TNRC18: variants seen among roughly 807,000 people sequenced by gnomAD.
TNRC18 encodes the protein trinucleotide repeat containing 18.
In TNRC18, 69 loss-of-function variants were observed where a neutral mutation model predicts 226.7. That is an observed-to-expected ratio of 0.30 (90% CI 0.25 to 0.37). The LOEUF (loss-of-function observed/expected upper bound fraction) is 0.37, where lower values mean the gene tolerates loss of function less well. TNRC18 is among the 10% of genes least tolerant of loss of function. The probability of loss-of-function intolerance (pLI) is 1.00; values close to 1 mark genes in which losing one functional copy is unlikely to be tolerated. For synonymous variants in TNRC18, 2,449 were observed against 1,927.6 expected (o/e 1.27, Z -7.09); for missense variants, 4,754 against 4,256.6 (o/e 1.12, Z -3.25).
chr7:5,321,377 T>C (rs1237549386), intron 21 of TNRC18, among the ~76,000 whole-genome samples, 187 bp from the exon 22 acceptor site: 1 of 152,138 alleles, frequency 6.6e-6, no homozygotes, highest in Non-Finnish European at 1.5e-5. Context: ...TGTGTACCAG[T>C]GAGCATGTAC....
chr7:5,397,667 C>A (rs1334392062), intron 2 of TNRC18, among the ~76,000 whole-genome samples: 1 of 152,152 alleles, frequency 6.6e-6, no homozygotes, highest in Admixed American at 6.6e-5. Context: ...GCCCCTTTCC[C>A]GCCTGGCCCG....
intron 21 of TNRC18, among the ~76,000 whole-genome samples, chr7:5,322,429 G>A (rs886969076): frequency 6.6e-6 from 1 of 152,120 alleles, no homozygotes; most frequent in South Asian, 2.1e-4. Flanking sequence ...CTCCTGAGTA[G>A]CTGGGACTAT....
At position 5,370,741 on chromosome 7, in the gene TNRC18, T is replaced by C. The variant is rs751371945; in HGVS notation, c.3853A>G (p.Ser1285Gly). The C allele has an allele frequency of 6.2e-7, 1 of 1,605,400 alleles. No homozygotes were observed. Among genetic ancestry groups the C allele is most frequent in the South Asian group, 1.1e-5 (1 of 90,004 alleles). ...ATTTCTAGGGTGGGCTGGGACTCGC[T>C]CGGTGCCACCTGCGCCAGGCCTTCC... is the stretch of plus-strand genomic sequence containing the variant. ...PEEGLAQVAP[S>G]ESQPTLEMSD... Residue 1285 changes from serine to glycine, a missense_variant, in exon 11 of 30, where the codon AGC (serine) becomes GGC (glycine). Coordinates refer to ENST00000430969, the MANE Select transcript of TNRC18 (RefSeq NM_001080495.3).
chr7:5,328,595 G>A (rs1174100823), intron 19 of TNRC18, among the ~76,000 whole-genome samples: 3 of 150,702 alleles, frequency 2.0e-5, no homozygotes, highest in East Asian at 2.0e-4. Context: ...TGCAACCTCC[G>A]CCTCCTGGGT....
intron 2 of TNRC18, among the ~76,000 whole-genome samples, chr7:5,408,978 T>C (rs1221880734): frequency 1.3e-5 from 2 of 152,178 alleles, no homozygotes; most frequent in Non-Finnish European, 2.9e-5. Context: ...AACCTTAACA[T>C]GCACACTCAG....
Position 5,390,620 on chromosome 7 carries a change from G to A in TNRC18, c.352C>T (p.His118Tyr), listed in dbSNP as rs373788242. ...WAAHAHEGFS[H>Y]LPSGLYPSYL... The stretch of plus-strand genomic sequence containing the variant: ...GATGGGTACAGCCCACTGGGCAGGT[G>A]GGAGAAGCCTGTAACAGAAAAGAGA... Residue 118 changes from histidine (H) to tyrosine (Y), a missense_variant, in exon 4 of 30, where the codon CAC becomes TAC. Physicochemically the swap from His to Tyr is moderately conservative, Grantham distance 83 (BLOSUM62 2). Coordinates refer to ENST00000430969, the MANE Select transcript of TNRC18 (RefSeq NM_001080495.3). 8 of 1,571,720 alleles carry A rather than the reference G, an allele frequency of 5.1e-6. No homozygotes were observed. Among genetic ancestry groups the A allele is most frequent in the African/African-American group, 2.7e-5 (2 of 73,214 alleles).
At position 5,332,724 on chromosome 7, in the gene TNRC18, G is replaced by A. The variant is rs550908807; in HGVS notation, c.6045C>T (p.Val2015=). 1.3e-6 allele frequency: 2 copies of A among 1,525,894 alleles called. No homozygotes were observed. Among genetic ancestry groups the A allele is most frequent in the East Asian group, 2.5e-5 (1 of 39,614 alleles). 94.5% of individuals were successfully genotyped at this position (1,525,894 alleles called of 1,614,324 possible). Residue 2015 remains valine, a synonymous_variant, in exon 19 of 30, where the codon GTC becomes GTT. Coordinates refer to ENST00000430969, the MANE Select transcript of TNRC18 (RefSeq NM_001080495.3). ...HDASAAAPAP[V]STAPATKTSR... ...TGGTCTTGGTGGCGGGCGCGGTGCT[G>A]ACGGGCGCAGGTGCAGCAGCCGAGG...
intron 26 of TNRC18, 44 bp downstream of exon 26, chr7:5,314,940 G>A: frequency 6.4e-7 from 1 of 1,559,634 alleles, no homozygotes; most frequent in African/African-American, 1.4e-5. Context: ...GATGCACGAA[G>A]GAGATCCGCC....
chr7:5,358,005 C>A (rs922173696), intron 15 of TNRC18, among the ~76,000 whole-genome samples: 2 of 152,128 alleles, frequency 1.3e-5, no homozygotes, highest in African/African-American at 4.8e-5. Context: ...GTGCTGCTGC[C>A]GATGGCCTGA....
intron 21 of TNRC18, among the ~76,000 whole-genome samples, chr7:5,323,247 G>C (rs1468916803): frequency 1.3e-5 from 2 of 152,132 alleles, no homozygotes; most frequent in Non-Finnish European, 2.9e-5. Flanking sequence ...CAGACCCCTG[G>C]GTCCCAGCCT....
chr7:5,335,301 CA>C (rs1167746227), intron 18 of TNRC18, among the ~76,000 whole-genome samples: 90 of 58,524 alleles, frequency 1.5e-3, no homozygotes, highest in African/African-American at 4.2e-3. Flanking sequence ...GAATCTGTCT[CA>C]AAAAAAAAAA....
intron 2 of TNRC18, among the ~76,000 whole-genome samples, chr7:5,402,457 C>T (rs1245045607): frequency 2.6e-5 from 4 of 152,010 alleles, no homozygotes; most frequent in Non-Finnish European, 5.9e-5. Context: ...ATGACTTGAG[C>T]CCAGGAGGCG....
chr7:5,369,655 T>C (rs943950808), intron 11 of TNRC18, among the ~76,000 whole-genome samples: 3 of 152,068 alleles, frequency 2.0e-5, no homozygotes, highest in Non-Finnish European at 2.9e-5. Flanking sequence ...AAAGACTTGG[T>C]TTCTTGGCTT....
intron 10 of TNRC18, among the ~76,000 whole-genome samples, chr7:5,372,921 G>A (rs1454538559): frequency 6.6e-6 from 1 of 152,174 alleles, no homozygotes; most frequent in African/African-American, 2.4e-5. Context: ...CACTCTGGGA[G>A]GCTGAGGTGG....
intron 18 of TNRC18, among the ~76,000 whole-genome samples, chr7:5,345,087 C>T (rs1395989846): frequency 2.6e-5 from 4 of 152,174 alleles, no homozygotes; most frequent in Middle Eastern, 3.2e-3. Flanking sequence ...TGGCACAGAC[C>T]GCACCCCCAC....
At chr7:5,340,601 G>A (rs1193564293) in intron 18 of TNRC18, among the ~76,000 whole-genome samples, 2 of 152,076 alleles carry the variant, frequency 1.3e-5, no homozygotes, top group Non-Finnish European at 2.9e-5. Flanking sequence ...AAATTAGCCA[G>A]GCGTAGTGGC....
intron 18 of TNRC18, among the ~76,000 whole-genome samples, chr7:5,335,515 G>C (rs1009691011): frequency 1.3e-5 from 2 of 150,180 alleles, no homozygotes; most frequent in African/African-American, 4.9e-5. Context: ...GCTGAGGCAG[G>C]AAATTGCCTG....
Position 5,368,384 on chromosome 7 carries a change from C to T in TNRC18, c.4219+1991G>A, listed in dbSNP as rs113242103. The stretch of plus-strand genomic sequence containing the variant: ...TAAAGAACATTTTAAGTAAAGTGTC[C>T]GGGCGCGGTGGCTCACGCCTGTAAT... On this transcript the variant is annotated intron_variant, in intron 11 of 29. Coordinates refer to ENST00000430969, the MANE Select transcript of TNRC18 (RefSeq NM_001080495.3). Among the ~76,000 whole-genome samples the T allele has an allele frequency of 3.2e-3, 482 of 151,672 alleles. 3 individuals carry two copies. Among genetic ancestry groups the T allele is most frequent in the African/African-American group, 8.4e-3 (347 of 41,338 alleles).
chr7:5,377,856 G>C lies in TNRC18; in HGVS notation c.2255+66C>G. ...GGCCAAGCCCACCTGGGGTCATCCA[G>C]CTGCCCCTCACCCCCAGGGGCTCCT... On this transcript the variant is annotated intron_variant, in intron 6 of 29. Coordinates refer to ENST00000430969, the MANE Select transcript of TNRC18 (RefSeq NM_001080495.3). The surrounding 1 kb of genome is among the most constrained non-coding windows in gnomAD (Gnocchi z 5.8). The C allele has an allele frequency of 2.0e-6, 3 of 1,510,772 alleles. No homozygotes were observed. The highest frequency in any genetic ancestry group is 2.7e-6 in the Non-Finnish European group (3 of 1,092,876). 93.6% of individuals were successfully genotyped at this position (1,510,772 alleles called of 1,614,324 possible). A position where few individuals can be genotyped will look rare whatever the true frequency, so the allele number is the denominator to read the frequency against.
Sources: allele counts gnomAD v4.1 joint callset (sites outside exome capture counted in the v4.1 genomes callset), GRCh38; gene constraint gnomAD v4.1.1; non-coding constraint Gnocchi (gnomAD v3.1); transcripts MANE v1.5; gene names NCBI Gene and HGNC (gene_info 2026-07-23, HGNC 2026-07-21).